PANK1: variants seen among roughly 807,000 people sequenced by gnomAD.
PANK1 encodes pantothenic acid kinase 1.
In PANK1, 18 loss-of-function variants were observed where a neutral mutation model predicts 40.1. That is an observed-to-expected ratio of 0.45 (90% CI 0.31 to 0.67). The LOEUF is 0.67. Among genes scored for constraint, PANK1 ranks in the 30% least tolerant of loss-of-function variants. The pLI is 0.06. For missense variants in PANK1, 457 were observed against 599.6 expected (o/e 0.76, Z 2.48); for synonymous variants, 242 against 237.7 (o/e 1.02, Z -0.17).
chr10:89,644,459 GA>G, intron 1 of PANK1, 140 bp downstream of exon 1: 1 of 674,528 alleles, frequency 1.5e-6, no homozygotes, highest in Non-Finnish European at 2.4e-6. Flanking sequence ...TCAGTCCCGG[GA>G]ACCTACTCTG....
chr10:89,589,121 A>G (rs1005964582), intron 5 of PANK1, among the ~76,000 whole-genome samples: 5 of 152,162 alleles, frequency 3.3e-5, no homozygotes, highest in Admixed American at 1.3e-4. Context: ...CATGTGTAAT[A>G]CCTCAATCCC....
At chr10:89,615,587 T>A (rs1190993716) in intron 1 of PANK1, among the ~76,000 whole-genome samples, 1 of 152,180 alleles carries the variant, frequency 6.6e-6, no homozygotes, top group Non-Finnish European at 1.5e-5. Context: ...AATTATCTTA[T>A]CTCTGGGGTT....
intron 1 of PANK1, among the ~76,000 whole-genome samples, chr10:89,621,198 G>T (rs1845473928): frequency 1.3e-5 from 2 of 152,122 alleles, no homozygotes; most frequent in East Asian, 3.8e-4. Flanking sequence ...CTACACAGGA[G>T]GCTGAGGCAG....
At chr10:89,631,428 T>C (rs1714818824) in intron 1 of PANK1, among the ~76,000 whole-genome samples, 1 of 152,202 alleles carries the variant, frequency 6.6e-6, no homozygotes, top group Admixed American at 6.5e-5. Context: ...CACCCCTTCT[T>C]TAAACCCTTG....
intron 4 of PANK1, 22 bp downstream of exon 4, chr10:89,593,791 C>T (rs1844482799): frequency 6.3e-7 from 1 of 1,589,582 alleles, no homozygotes; most frequent in Non-Finnish European, 8.6e-7. Flanking sequence ...ATCACTACTG[C>T]TCCTAGCTAC....
chr10:89,604,739 T>C (rs1268065102), intron 2 of PANK1, among the ~76,000 whole-genome samples: 1 of 150,292 alleles, frequency 6.7e-6, no homozygotes, highest in Non-Finnish European at 1.5e-5. Flanking sequence ...CTGTAGTCTA[T>C]CAAGTGTGCA....
chr10:89,595,838 A>ATC (rs1174349761), intron 3 of PANK1, among the ~76,000 whole-genome samples: 1 of 58,294 alleles, frequency 1.7e-5, no homozygotes, highest in Non-Finnish European at 3.1e-5. Context: ...AAAAAAATAT[A>ATC]TATATATATA....
At chr10:89,601,171 T>C (rs1371570349) in intron 2 of PANK1, among the ~76,000 whole-genome samples, 3 of 151,970 alleles carry the variant, frequency 2.0e-5, no homozygotes, top group Non-Finnish European at 4.4e-5. Context: ...ATCTTCATTA[T>C]AAAAGTTAAG....
At chr10:89,617,057 C>T (rs934568230) in intron 1 of PANK1, among the ~76,000 whole-genome samples, 6 of 152,334 alleles carry the variant, frequency 3.9e-5, no homozygotes, top group Middle Eastern at 3.4e-3. Context: ...CCAGAGCTTT[C>T]CCTCTGCTAT....
chr10:89,599,589 G>A, intron 2 of PANK1, 84 bp from the exon 3 acceptor site: 2 of 1,317,152 alleles, frequency 1.5e-6, no homozygotes, highest in South Asian at 1.4e-5. Context: ...ATTTAAGATG[G>A]GGTCATTCAC....
rs79770946 is a variant in PANK1 at position 89,585,415 on chromosome 10, A to G, written c.1327-950T>C. Among the ~76,000 whole-genome samples the G allele has an allele frequency of 1.1e-3, 175 of 152,264 alleles. 2 individuals carry two copies. The highest frequency in any genetic ancestry group is 4.0e-3 in the African/African-American group (166 of 41,572). On this transcript the variant is annotated intron_variant, in intron 6 of 6. Coordinates refer to ENST00000307534, the MANE Select transcript of PANK1 (RefSeq NM_148977.3). ...CTGTTTCCAAAAGGCAGGAGGCTCC[A>G]TTCTTCTGGCACTTGCTGAACTCAA...
chr10:89,592,505 T>C (rs1245259931), intron 5 of PANK1, among the ~76,000 whole-genome samples: 3 of 152,176 alleles, frequency 2.0e-5, no homozygotes, highest in African/African-American at 7.2e-5. Context: ...CCATTACAGA[T>C]CTACTGTGGT....
intron 3 of PANK1, among the ~76,000 whole-genome samples, chr10:89,597,760 G>A (rs571140542): frequency 9.5e-4 from 144 of 152,224 alleles, no homozygotes; most frequent in African/African-American, 3.3e-3. Flanking sequence ...TCTGGGAGGC[G>A]GTCTGTAGTT....
At chr10:89,632,247 T>C (rs1841674564) in intron 1 of PANK1, among the ~76,000 whole-genome samples, 1 of 152,210 alleles carries the variant, frequency 6.6e-6, no homozygotes, top group South Asian at 2.1e-4. Context: ...ACAGTGACTT[T>C]TGGAATAAAA....
chr10:89,592,603 A>G, intron 5 of PANK1: 1 of 444,168 alleles, frequency 2.3e-6, no homozygotes, highest in South Asian at 1.6e-5. Context: ...GTTCTACTTT[A>G]TACACCTTGT....
intron 2 of PANK1, among the ~76,000 whole-genome samples, chr10:89,611,494 A>G (rs1409481183): frequency 6.6e-6 from 1 of 152,226 alleles, no homozygotes; most frequent in Admixed American, 6.5e-5. Context: ...GGTACATATT[A>G]TCTCATTTAA....
At chr10:89,581,652 G>A (rs564117851), downstream of PANK1, 1 of 152,382 alleles carries the variant, frequency 6.6e-6, no homozygotes, top group African/African-American at 2.4e-5. Context: ...CTGACCTCAT[G>A]ATCCGCCTGC....
At chr10:89,632,873 T>C (rs989439701) in intron 1 of PANK1, among the ~76,000 whole-genome samples, 2 of 152,194 alleles carry the variant, frequency 1.3e-5, no homozygotes, top group African/African-American at 4.8e-5. Context: ...TGTAGAATAC[T>C]TTCTTTCCTG....
In PANK1 at chr10:89,632,197, C is replaced by T. The variant is rs1003071460; in HGVS notation, c.292+12403G>A. ...AAAGTTGTTAAAATCCCAACACTTT[C>T]CAAAACGCTCACTCAGGACAATAAG... On this transcript the variant is annotated intron_variant, in intron 1 of 6. Coordinates refer to ENST00000307534, the MANE Select transcript of PANK1 (RefSeq NM_148977.3). Among the ~76,000 whole-genome samples, 8 of 152,102 alleles carry T rather than the reference C, an allele frequency of 5.3e-5. No individual in the cohort carries two copies. The East Asian group carries it at 1.5e-3, about 29-fold the overall frequency.
Sources: allele counts gnomAD v4.1 joint callset (sites outside exome capture counted in the v4.1 genomes callset), GRCh38; gene constraint gnomAD v4.1.1; transcripts MANE v1.5; gene names NCBI Gene and HGNC (gene_info 2026-07-23, HGNC 2026-07-21).